The following PRKG1 variants were observed in gnomAD, a reference collection of about 807,000 sequenced individuals.
The protein encoded by PRKG1 is protein kinase cGMP-dependent 1, also known as cGMP-dependent protein kinase 1.
In PRKG1, 35 loss-of-function variants were observed where a neutral mutation model predicts 88.1. The ratio of observed to expected loss-of-function variants is 0.40; its 90% CI spans 0.30 to 0.53. The LOEUF (loss-of-function observed/expected upper bound fraction) is 0.53, where lower values mean the gene tolerates loss of function less well. PRKG1 is among the 20% of genes least tolerant of loss of function. The pLI is 0.59. For missense variants in PRKG1, 540 were observed against 839.8 expected (o/e 0.64, Z 4.41); for synonymous variants, 303 against 292.5 (o/e 1.04, Z -0.37).
intron 2 of PRKG1, among the ~76,000 whole-genome samples, chr10:51,441,009 T>A (rs1839089400): frequency 6.6e-6 from 1 of 151,988 alleles, no homozygotes; most frequent in South Asian, 2.1e-4. Flanking sequence ...TTAAAAGAGA[T>A]AAACATGGGA....
intron 3 of PRKG1, among the ~76,000 whole-genome samples, chr10:51,494,654 A>G (rs1840802957): frequency 6.6e-6 from 1 of 152,346 alleles, no homozygotes; most frequent in South Asian, 2.1e-4. Flanking sequence ...ATAAGAACCT[A>G]CATTTGAATC....
chr10:51,872,729 A>G (rs900651123), intron 4 of PRKG1, among the ~76,000 whole-genome samples: 4 of 152,114 alleles, frequency 2.6e-5, no homozygotes, highest in Non-Finnish European at 4.4e-5. Context: ...TAATCATTGT[A>G]TTCCTCACAG....
Position 52,010,168 on chromosome 10 carries a change from C to T in PRKG1, c.763-44316C>T, listed in dbSNP as rs143529305. ...CAATTGCAAAAAAATCAAAAATTGGCAACTGGTATCTAATTAAACTAAACA... is the reference window on the plus strand; with the variant it reads ...CAATTGCAAAAAAATCAAAAATTGGTAACTGGTATCTAATTAAACTAAACA... On this transcript the variant is annotated intron_variant, in intron 5 of 17. Coordinates refer to ENST00000373980, the MANE Select transcript of PRKG1 (RefSeq NM_006258.4). Among the ~76,000 whole-genome samples, 4 of 152,190 alleles carry T rather than the reference C, an allele frequency of 2.6e-5. No individual in the cohort carries two copies. The East Asian group carries it at 7.7e-4, about 29-fold the overall frequency.
At chr10:51,865,576 T>C (rs997189745) in intron 4 of PRKG1, among the ~76,000 whole-genome samples, 4 of 152,108 alleles carry the variant, frequency 2.6e-5, no homozygotes, top group African/African-American at 9.7e-5. Context: ...AAAAATGTAA[T>C]TATGTAATTT....
In PRKG1 at chr10:51,317,890, T is replaced by C. The variant is rs540504533; in HGVS notation, c.479-149833T>C. Among the ~76,000 whole-genome samples, 6 of 152,244 alleles carry C rather than the reference T, an allele frequency of 3.9e-5. No individual in the cohort carries two copies. The East Asian group carries it at 7.7e-4, about 20-fold the overall frequency. On this transcript the variant is annotated intron_variant, in intron 2 of 17. Coordinates refer to ENST00000373980, the MANE Select transcript of PRKG1 (RefSeq NM_006258.4). ...GCTGATTTAGCCTCTCTAACCACAG[T>C]CTTTCCTGTAATGGGCATTTGTACC...
intron 4 of PRKG1, among the ~76,000 whole-genome samples, chr10:51,862,471 T>C (rs1840906612): frequency 6.6e-6 from 1 of 152,098 alleles, no homozygotes; most frequent in Admixed American, 6.5e-5. Flanking sequence ...GAAAACCTCT[T>C]TACAACAAGA....
At chr10:51,537,967 T>C (rs1842199349) in intron 3 of PRKG1, among the ~76,000 whole-genome samples, 1 of 152,206 alleles carries the variant, frequency 6.6e-6, no homozygotes, top group Non-Finnish European at 1.5e-5. Flanking sequence ...TAGACAAATG[T>C]ATAAAAATAT....
intron 2 of PRKG1, among the ~76,000 whole-genome samples, chr10:51,191,766 G>T (rs1837637336): frequency 6.6e-6 from 1 of 151,770 alleles, no homozygotes; most frequent in African/African-American, 2.4e-5. Flanking sequence ...CTAGAACCCA[G>T]AGTAAGACTA....
intron 2 of PRKG1, among the ~76,000 whole-genome samples, chr10:51,295,660 TTTC>T (rs1437210327): frequency 1.3e-5 from 2 of 152,044 alleles, no homozygotes; most frequent in Non-Finnish European, 2.9e-5. Context: ...TTTCTTTTCT[TTTC>T]TTTTTTGTCT....
At chr10:51,136,927 C>T (rs979332831) in intron 1 of PRKG1, among the ~76,000 whole-genome samples, 4 of 151,270 alleles carry the variant, frequency 2.6e-5, no homozygotes, top group East Asian at 1.9e-4. Flanking sequence ...TTTTTTGAGA[C>T]GGATTTCTCT....
At chr10:51,688,783 GTCAA>G (rs948858856) in intron 3 of PRKG1, among the ~76,000 whole-genome samples, 5 of 152,012 alleles carry the variant, frequency 3.3e-5, no homozygotes, top group Admixed American at 6.6e-5. Flanking sequence ...GCTAATATCA[GTCAA>G]TCAATCTATA....
chr10:51,205,697 C>A (rs1466217900), intron 2 of PRKG1, among the ~76,000 whole-genome samples: 44 of 150,738 alleles, frequency 2.9e-4, no homozygotes, highest in Non-Finnish European at 8.9e-5. Context: ...ACCACACTGG[C>A]AAATTTTTGT....
At chr10:51,150,295 A>G (rs745434904) in intron 1 of PRKG1, among the ~76,000 whole-genome samples, 1 of 152,128 alleles carries the variant, frequency 6.6e-6, no homozygotes, top group Non-Finnish European at 1.5e-5. Context: ...AGTTACAGTG[A>G]GTGTCTTAGA....
At chr10:52,117,591 A>C (rs1847719398) in intron 7 of PRKG1, among the ~76,000 whole-genome samples, 1 of 152,088 alleles carries the variant, frequency 6.6e-6, no homozygotes, top group Admixed American at 6.6e-5. Flanking sequence ...TCTACTCGGA[A>C]ATTACTTGTG....
intron 2 of PRKG1, among the ~76,000 whole-genome samples, chr10:51,220,622 T>C (rs1287863216): frequency 1.3e-5 from 2 of 152,150 alleles, no homozygotes; most frequent in Non-Finnish European, 2.9e-5. Flanking sequence ...AGTATCTGGA[T>C]CAACAGCATT....
Position 51,267,301 on chromosome 10 carries a change from T to G in PRKG1, c.478+113971T>G, listed in dbSNP as rs1839860799. Reference sequence around the variant, plus strand: ...CCTCCCTATAGTATATATGATTTTGTGACCCGATTTTTGTTAACATCATAT... The same window carrying G: ...CCTCCCTATAGTATATATGATTTTGGGACCCGATTTTTGTTAACATCATAT... On this transcript the variant is annotated intron_variant, in intron 2 of 17. Transcript: ENST00000373980. 4.6e-5 allele frequency among the ~76,000 whole-genome samples: 7 copies of G among 152,188 alleles called. No individual in the cohort carries two copies. The South Asian group carries it at 1.4e-3, about 31-fold the overall frequency.
rs1300709727 is a variant in PRKG1 at position 51,442,832 on chromosome 10, G to A, written c.479-24891G>A. Reference sequence around the variant, plus strand: ...CTGTAGCATAGCCAACCTCTTAGTGGCCTAGAACAAGTCATTATCTCTAAC... The same window carrying A: ...CTGTAGCATAGCCAACCTCTTAGTGACCTAGAACAAGTCATTATCTCTAAC... On this transcript the variant is annotated intron_variant, in intron 2 of 17. Transcript: ENST00000373980. Among the ~76,000 whole-genome samples, 3 of 152,004 alleles carry A rather than the reference G, an allele frequency of 2.0e-5. No homozygotes were observed. In the East Asian group the frequency reaches 5.8e-4, roughly 30 times the overall value.
chr10:51,181,224 A>ATTTTTTTTTTTTTTTTTTTTTTTTT (rs1223588085), intron 2 of PRKG1, among the ~76,000 whole-genome samples: 1 of 78,278 alleles, frequency 1.3e-5, no homozygotes, highest in African/African-American at 5.1e-5. Context: ...ATTATATAGA[A>ATTTTTTTTTTTTTTTTTTTTTTTTT]TTTTTTTTTT....
chr10:52,174,482 G>A (rs909599769), intron 9 of PRKG1, among the ~76,000 whole-genome samples: 1 of 151,902 alleles, frequency 6.6e-6, no homozygotes, highest in African/African-American at 2.4e-5. Flanking sequence ...ATAGAGGGGA[G>A]CAGGGAGAGA....
Sources: allele counts gnomAD v4.1 joint callset (sites outside exome capture counted in the v4.1 genomes callset), GRCh38; gene constraint gnomAD v4.1.1; transcripts MANE v1.5; gene names NCBI Gene and HGNC (gene_info 2026-07-23, HGNC 2026-07-21).